PDE3A: variants seen among roughly 807,000 people sequenced by gnomAD.
PDE3A encodes cGMP-inhibited 3',5'-cyclic phosphodiesterase 3A.
A neutral mutation model predicts 98.3 loss-of-function variants in PDE3A; 43 were observed. The ratio of observed to expected loss-of-function variants is 0.44; its 90% confidence interval spans 0.34 to 0.56. PDE3A has a LOEUF of 0.56. Ranked by LOEUF, PDE3A falls within the 20% of genes least tolerant of loss-of-function variation. PDE3A has a pLI of 0.01. For synonymous variants in PDE3A, 663 were observed against 567.9 expected, an observed-to-expected ratio of 1.17 and a Z score of -2.38; for missense variants, 1,427 against 1,440.7, an observed-to-expected ratio of 0.99 and a Z score of 0.15.
intron 2 of PDE3A, among the ~76,000 whole-genome samples, chr12:20,578,168 C>G (rs1184684682): frequency 6.6e-6 from 1 of 152,136 alleles, no homozygotes; most frequent in Non-Finnish European, 1.5e-5. Context: ...GTCTAATATG[C>G]TCCCCAGAGA....
intron 1 of PDE3A, among the ~76,000 whole-genome samples, chr12:20,385,555 A>G (rs1463294829): frequency 1.3e-5 from 2 of 151,944 alleles, no homozygotes; most frequent in East Asian, 3.9e-4. Flanking sequence ...TCCAACAATG[A>G]TAGACTGGAT....
rs552583686 is a variant in PDE3A at position 20,480,591 on chromosome 12, A to G, written c.961-76069A>G. ...AAATGCCTAGGTTATTTGCAAGTCT[A>G]TTAGGAATAATTTTCCTTAACTTAT... On this transcript the variant is annotated intron_variant, in intron 1 of 15. Transcript: ENST00000359062. 2.6e-5 allele frequency among the ~76,000 whole-genome samples: 4 copies of G among 152,342 alleles called. No homozygotes were observed. In the South Asian group the frequency reaches 8.3e-4, roughly 32 times the overall value.
At chr12:20,603,752 TCAAA>T (rs1185272012) in intron 2 of PDE3A, among the ~76,000 whole-genome samples, 2 of 152,192 alleles carry the variant, frequency 1.3e-5, no homozygotes, top group African/African-American at 4.8e-5. Context: ...ATAATACTTA[TCAAA>T]CATATATTTT....
intron 1 of PDE3A, among the ~76,000 whole-genome samples, chr12:20,452,207 A>G (rs1259262184): frequency 6.6e-6 from 1 of 152,244 alleles, no homozygotes; most frequent in Non-Finnish European, 1.5e-5. Flanking sequence ...TAACGCGTGC[A>G]GATGCAAGAT....
Position 20,369,395 on chromosome 12 carries a change from G to C in PDE3A, c.111G>C (p.Ser37=), listed in dbSNP as rs1246488821. ...GCCACCATCGTGCGGACCCCGCATC[G>C]CCGCGGGACTCGGGCTGCCGTGGCT... is the stretch of plus-strand genomic sequence containing the variant. ...RDCHHRADPA[S]PRDSGCRGCW... is the part of the protein sequence containing the mutation. Residue 37 remains serine, a synonymous_variant, in exon 1 of 16, where the codon TCG becomes TCC. Transcript: ENST00000359062. 6.4e-7 allele frequency: 1 copy of C among 1,551,540 alleles called. No homozygotes were observed. Among genetic ancestry groups the C allele is most frequent in the South Asian group, 1.2e-5 (1 of 84,124 alleles).
At chr12:20,572,245 T>TA (rs1322767584) in intron 2 of PDE3A, 2 of 522,880 alleles carry the variant, frequency 3.8e-6, no homozygotes, top group Admixed American at 4.0e-5. Context: ...GAAAGCCTTT[T>TA]AAAAATAAAT....
intron 1 of PDE3A, among the ~76,000 whole-genome samples, chr12:20,390,975 C>T (rs1352176740): frequency 2.0e-5 from 3 of 151,810 alleles, no homozygotes; most frequent in East Asian, 1.9e-4. Flanking sequence ...GTGCTGAATC[C>T]TACCGATGAA....
intron 1 of PDE3A, among the ~76,000 whole-genome samples, chr12:20,450,801 T>C (rs555200705): frequency 5.9e-5 from 9 of 152,334 alleles, no homozygotes; most frequent in South Asian, 2.1e-4. Context: ...TGAAGATGCA[T>C]GTCAGAATGT....
At chr12:20,643,109 A>G (rs929254140) in intron 10 of PDE3A, among the ~76,000 whole-genome samples, 1 of 152,136 alleles carries the variant, frequency 6.6e-6, no homozygotes, top group African/African-American at 2.4e-5. Context: ...TAGTGTATGC[A>G]TGTGCGTCTA....
chr12:20,483,463 G>A (rs940440812), intron 1 of PDE3A, among the ~76,000 whole-genome samples: 4 of 152,094 alleles, frequency 2.6e-5, no homozygotes, highest in Non-Finnish European at 4.4e-5. Context: ...TTGCAAATGA[G>A]AAGAAAAAAA....
chr12:20,463,813 G>A (rs1313133023), intron 1 of PDE3A, among the ~76,000 whole-genome samples: 3 of 152,120 alleles, frequency 2.0e-5, no homozygotes, highest in Non-Finnish European at 2.9e-5. Context: ...TTCCCAGGCT[G>A]GGGAACTGTT....
chr12:20,602,320 G>C (rs1480019661), intron 2 of PDE3A, among the ~76,000 whole-genome samples: 1 of 152,160 alleles, frequency 6.6e-6, no homozygotes, highest in Non-Finnish European at 1.5e-5. Context: ...GTTCTTACTA[G>C]AGTAAGTGAT....
intron 2 of PDE3A, among the ~76,000 whole-genome samples, chr12:20,589,010 C>T (rs1943257422): frequency 6.6e-6 from 1 of 152,170 alleles, no homozygotes; most frequent in South Asian, 2.1e-4. Flanking sequence ...GCAAGCTCCG[C>T]CTCCTGAGTT....
At chr12:20,488,823 G>A (rs930797300) in intron 1 of PDE3A, among the ~76,000 whole-genome samples, 8 of 150,936 alleles carry the variant, frequency 5.3e-5, no homozygotes, top group South Asian at 2.1e-4. Flanking sequence ...TGAGGCTGCC[G>A]TGAGCTGTAA....
chr12:20,446,776 T>A (rs556961566), intron 1 of PDE3A, among the ~76,000 whole-genome samples: 1 of 152,212 alleles, frequency 6.6e-6, no homozygotes, highest in African/African-American at 2.4e-5. Context: ...CTATAGGTAG[T>A]TATGGGAGAT....
chr12:20,483,714 A>G (rs1178648350), intron 1 of PDE3A, among the ~76,000 whole-genome samples: 5 of 152,192 alleles, frequency 3.3e-5, no homozygotes, highest in Admixed American at 2.0e-4. Context: ...CTTCCTGTAT[A>G]GATTAAAATT....
At chr12:20,583,724 A>G (rs945775554) in intron 2 of PDE3A, among the ~76,000 whole-genome samples, 4 of 152,284 alleles carry the variant, frequency 2.6e-5, no homozygotes, top group South Asian at 2.1e-4. Flanking sequence ...ACCTTCAACA[A>G]ATATTCATTT....
intron 1 of PDE3A, among the ~76,000 whole-genome samples, chr12:20,395,397 A>T: frequency 1.3e-5 from 2 of 151,370 alleles, no homozygotes; most frequent in East Asian, 3.9e-4. Context: ...ACAGAAATGA[A>T]TTTCTTGAAT....
In PDE3A at chr12:20,552,174, C is replaced by T. The variant is rs879029354; in HGVS notation, c.961-4486C>T. The stretch of plus-strand genomic sequence containing the variant: ...CGCTGGCTCTCAACTGCTTTGCTCC[C>T]ATCAATGACCAAGAAGGGGCCGAGG... On this transcript the variant is annotated intron_variant, in intron 1 of 15. Transcript: ENST00000359062. The surrounding 1 kb of genome is among the most constrained non-coding windows in gnomAD (Gnocchi z 5.1). The T allele has an allele frequency of 9.9e-6, 16 of 1,613,700 alleles. No homozygotes were observed. The South Asian group carries it at 1.5e-4, about 16-fold the overall frequency.
Sources: gnomAD v4.1 joint callset for allele counts (sites outside exome capture counted in the v4.1 genomes callset) on GRCh38, gnomAD v4.1.1 for gene constraint, Gnocchi (gnomAD v3.1) non-coding constraint, MANE v1.5 for transcripts, NCBI Gene and HGNC (gene_info 2026-07-23, HGNC 2026-07-21) for gene names.